Variants in GLRA2 observed in about 807,000 individuals in gnomAD.
GLRA2 encodes glycine receptor alpha 2.
GLRA2 carries 11 observed loss-of-function variants against 31.6 expected under a neutral mutation model. The observed-to-expected ratio is 0.35, with a 90% CI of 0.22 to 0.58. The LOEUF (loss-of-function observed/expected upper bound fraction) is 0.58. GLRA2 is among the 20% of genes least tolerant of loss of function. The pLI, the probability that GLRA2 is intolerant of heterozygous loss-of-function variation, is 0.84. For synonymous variants in GLRA2, 132 were observed against 134.0 expected, an observed-to-expected ratio of 0.99 and a Z score of 0.10; for missense variants, 212 against 351.8, an observed-to-expected ratio of 0.60 and a Z score of 3.18.
intron 8 of GLRA2, among the ~76,000 whole-genome samples, chrX:14,699,784 A>C (rs892928078): frequency 1.8e-5 from 2 of 111,649 alleles, no homozygotes; most frequent in Admixed American, 1.9e-4. Context: ...CCATGAGATC[A>C]AATTTTTTAG....
chrX:14,700,812 T>G (rs958705841), intron 8 of GLRA2, among the ~76,000 whole-genome samples: 1 of 110,270 alleles, frequency 9.1e-6, no homozygotes, highest in Non-Finnish European at 1.9e-5. Context: ...TTTTATTTAG[T>G]GTTTTTTTTA....
intron 4 of GLRA2, among the ~76,000 whole-genome samples, chrX:14,584,475 A>G (rs1217530815): frequency 9.0e-6 from 1 of 111,610 alleles, no homozygotes; most frequent in Admixed American, 9.5e-5. Context: ...TCATCACCTC[A>G]TTTGACAACT....
intron 2 of GLRA2, among the ~76,000 whole-genome samples, chrX:14,566,894 TTC>T (rs1231730263): frequency 2.7e-5 from 3 of 110,482 alleles, no homozygotes; most frequent in Admixed American, 9.6e-5. Context: ...CATGGGTCCC[TTC>T]TCTCTCTCTC....
At chrX:14,460,920 T>C in the GLRA2 span, among the ~76,000 whole-genome samples, 1 of 111,311 alleles carries the variant, frequency 9.0e-6, no homozygotes, top group Non-Finnish European at 1.9e-5. Flanking sequence ...GTGTTTGCTC[T>C]TGCTTCTCTA....
At chrX:14,467,094 C>T in the GLRA2 span, among the ~76,000 whole-genome samples, 1 of 112,240 alleles carries the variant, frequency 8.9e-6, no homozygotes, top group African/African-American at 3.2e-5. Flanking sequence ...GTTATATGTG[C>T]TATATTTTGA....
At chrX:14,459,157 A>C in the GLRA2 span, among the ~76,000 whole-genome samples, 2 of 111,514 alleles carry the variant, frequency 1.8e-5, no homozygotes, top group African/African-American at 6.5e-5. Context: ...TGTTTTTGTC[A>C]GGTTTGTCAA....
In GLRA2 at chrX:14,731,281, A is replaced by G. The variant is rs1305566531; in HGVS notation, c.*796A>G. On this transcript the variant is annotated 3_prime_UTR_variant, in exon 9 of 9. Coordinates refer to ENST00000218075, the MANE Select transcript of GLRA2 (RefSeq NM_002063.4). ...TATTGTGTAATTAATTTGATAGTGT[A>G]CCCTCTTAATAAATGCCCACTTTAT... is the stretch of plus-strand genomic sequence containing the variant. 1 of 112,183 alleles carries G rather than the reference A, an allele frequency of 8.9e-6. No individual in the cohort carries two copies. The highest frequency in any genetic ancestry group is 1.9e-5 in the Non-Finnish European group (1 of 53,231). The allele number at this position is 112,183 out of a possible 1,213,427, so 9.2% of individuals were successfully genotyped here. A position where few individuals can be genotyped will look rare whatever the true frequency, so the allele number is the denominator to read the frequency against.
the GLRA2 span, among the ~76,000 whole-genome samples, chrX:14,469,008 G>C: frequency 1.8e-5 from 2 of 110,252 alleles, no homozygotes; most frequent in African/African-American, 6.6e-5. Context: ...TTTTTGATGG[G>C]GTTGTTTGTT....
chrX:14,620,147 T>A (rs1294697497), intron 7 of GLRA2, among the ~76,000 whole-genome samples: 1 of 110,356 alleles, frequency 9.1e-6, no homozygotes, highest in African/African-American at 3.3e-5. Flanking sequence ...ATATATTTCT[T>A]ACAGAGTAAT....
intron 8 of GLRA2, among the ~76,000 whole-genome samples, chrX:14,729,590 T>C (rs1224198790): frequency 1.8e-5 from 2 of 111,691 alleles, no homozygotes; most frequent in African/African-American, 6.5e-5. Context: ...AAATCAACAC[T>C]GGAAAAATTA....
At chrX:14,589,198 C>T (rs1462053218) in intron 4 of GLRA2, among the ~76,000 whole-genome samples, 2 of 110,911 alleles carry the variant, frequency 1.8e-5, no homozygotes, top group Non-Finnish European at 3.8e-5. Flanking sequence ...TCCAGTATAA[C>T]GTTGACTGTG....
intron 2 of GLRA2, among the ~76,000 whole-genome samples, chrX:14,547,510 G>A (rs2089497644): frequency 1.8e-5 from 2 of 111,282 alleles, no homozygotes; most frequent in South Asian, 7.5e-4. Context: ...TTAAGAATAA[G>A]CAATCAGGGG....
chrX:14,616,135 G>C (rs1411038034), intron 7 of GLRA2, among the ~76,000 whole-genome samples: 1 of 111,997 alleles, frequency 8.9e-6, no homozygotes, highest in Non-Finnish European at 1.9e-5. Flanking sequence ...TTGAATGGAA[G>C]ATGGAAGACT....
chrX:14,518,806 C>T, the GLRA2 span, among the ~76,000 whole-genome samples: 1 of 105,033 alleles, frequency 9.5e-6, no homozygotes, highest in African/African-American at 3.5e-5. Flanking sequence ...GTCAGGAGAT[C>T]GAGACCATCC....
At chrX:14,634,472 G>A (rs974669923) in intron 7 of GLRA2, among the ~76,000 whole-genome samples, 8 of 111,705 alleles carry the variant, frequency 7.2e-5, no homozygotes, top group African/African-American at 2.6e-4. Flanking sequence ...GTAGACCTGC[G>A]AAGCTCCTGT....
At chrX:14,693,152 T>C (rs1421333822) in intron 8 of GLRA2, among the ~76,000 whole-genome samples, 2 of 108,390 alleles carry the variant, frequency 1.8e-5, no homozygotes, top group South Asian at 7.6e-4. Flanking sequence ...TAAAGAAAAA[T>C]AGAATAAATA....
At chrX:14,625,259 T>G (rs900375415) in intron 7 of GLRA2, among the ~76,000 whole-genome samples, 4 of 111,168 alleles carry the variant, frequency 3.6e-5, no homozygotes, top group Non-Finnish European at 5.7e-5. Flanking sequence ...GTGAGATGGG[T>G]CTCCTGAATA....
At chrX:14,480,292 A>G in the GLRA2 span, among the ~76,000 whole-genome samples, 1 of 111,862 alleles carries the variant, frequency 8.9e-6, no homozygotes, top group South Asian at 3.7e-4. Flanking sequence ...GTTTGCAAAT[A>G]TTTCCTCCAA....
chrX:14,676,604 G>A (rs1286508960), intron 7 of GLRA2, among the ~76,000 whole-genome samples: 1 of 111,362 alleles, frequency 9.0e-6, no homozygotes, highest in African/African-American at 3.3e-5. Context: ...GAATGGAGAG[G>A]GTATCCAAGC....
Sources: gnomAD v4.1 joint callset for allele counts (sites outside exome capture counted in the v4.1 genomes callset) on GRCh38, gnomAD v4.1.1 for gene constraint, MANE v1.5 for transcripts, NCBI Gene and HGNC (gene_info 2026-07-23, HGNC 2026-07-21) for gene names.